Variants in ARFGEF2 observed in about 807,000 individuals in gnomAD.
The protein encoded by ARFGEF2 is ARF guanine nucleotide exchange factor 2, also known as brefeldin A-inhibited guanine nucleotide-exchange protein 2.
Under a neutral mutation model 219.9 loss-of-function variants are expected in ARFGEF2, and 74 were observed. The observed-to-expected ratio is 0.34, with a 90% CI of 0.28 to 0.41. The LOEUF (loss-of-function observed/expected upper bound fraction) is 0.41. ARFGEF2 is among the 10% of genes least tolerant of loss of function. The pLI is 1.00. For missense variants in ARFGEF2, 1,743 were observed against 2,218.3 expected (o/e 0.79, Z 4.30); for synonymous variants, 733 against 799.2 (o/e 0.92, Z 1.40).
Position 48,935,681 on chromosome 20 carries a change from C to T in ARFGEF2, c.122-5518C>T, listed in dbSNP as rs1032280960. On this transcript the variant is annotated intron_variant, in intron 1 of 38. Coordinates refer to ENST00000371917, the MANE Select transcript of ARFGEF2 (RefSeq NM_006420.3). ...CCCAGTAGGGGCGGCCGGGCAGAGG[C>T]GCCCCTCACCTCCTGGACGGGGCGG... Among the ~76,000 whole-genome samples, 5 of 150,894 alleles carry T rather than the reference C, an allele frequency of 3.3e-5. No individual in the cohort carries two copies. In the South Asian group the frequency reaches 8.4e-4, roughly 25 times the overall value.
intron 1 of ARFGEF2, among the ~76,000 whole-genome samples, chr20:48,927,987 T>C (rs2090888728): frequency 6.6e-6 from 1 of 152,138 alleles, no homozygotes; most frequent in Non-Finnish European, 1.5e-5. Context: ...GGCAGAGAGT[T>C]GATTGAGACT....
intron 21 of ARFGEF2, among the ~76,000 whole-genome samples, chr20:48,992,246 C>G (rs2091361453): frequency 6.6e-6 from 1 of 152,142 alleles, no homozygotes; most frequent in African/African-American, 2.4e-5. Flanking sequence ...AAAGGATAGA[C>G]CAAAGCATTA....
intron 37 of ARFGEF2, among the ~76,000 whole-genome samples, chr20:49,030,783 G>T (rs1167049429): frequency 6.6e-6 from 1 of 152,094 alleles, no homozygotes; most frequent in African/African-American, 2.4e-5. Flanking sequence ...TGGATCACAA[G>T]GTCAGGAGTT....
chr20:48,928,578 T>C (rs2090893454), intron 1 of ARFGEF2, among the ~76,000 whole-genome samples: 1 of 148,986 alleles, frequency 6.7e-6, no homozygotes, highest in Non-Finnish European at 1.5e-5. Context: ...CACTGCAAGC[T>C]CTGCCTCCTG....
chr20:48,987,706 A>T (rs138027351), intron 16 of ARFGEF2, among the ~76,000 whole-genome samples: 1 of 152,280 alleles, frequency 6.6e-6, no homozygotes, highest in East Asian at 1.9e-4. Flanking sequence ...GCTTCACCCT[A>T]GTCTTGGCCC....
chr20:48,996,724 C>G (rs1276809478), intron 23 of ARFGEF2, among the ~76,000 whole-genome samples: 1 of 135,954 alleles, frequency 7.4e-6, no homozygotes, highest in Non-Finnish European at 1.5e-5. Context: ...AGCCTAGCAA[C>G]AGAACGAGAC....
intron 13 of ARFGEF2, among the ~76,000 whole-genome samples, chr20:48,975,328 G>T (rs540113940): frequency 6.6e-6 from 1 of 152,266 alleles, no homozygotes; most frequent in South Asian, 2.1e-4. Flanking sequence ...GATTACAGAC[G>T]TGAGCCACTG....
At chr20:48,990,686 A>G (rs2123464301) in intron 20 of ARFGEF2, among the ~76,000 whole-genome samples, 1 of 152,280 alleles carries the variant, frequency 6.6e-6, no homozygotes, top group Middle Eastern at 3.4e-3. Flanking sequence ...TCATTTCCTC[A>G]TTTGTAAACT....
At chr20:49,015,435 A>G (rs988782409) in intron 30 of ARFGEF2, among the ~76,000 whole-genome samples, 8 of 152,200 alleles carry the variant, frequency 5.3e-5, no homozygotes, top group Non-Finnish European at 5.9e-5. Flanking sequence ...TGTTGTTTTA[A>G]TAATGGCTAC....
At chr20:48,980,756 C>T (rs926504166) in intron 14 of ARFGEF2, among the ~76,000 whole-genome samples, 306 of 152,086 alleles carry the variant, frequency 2.0e-3, no homozygotes, top group Non-Finnish European at 3.5e-3. Context: ...TTGTCTCTTT[C>T]GATCTTTGTT....
At chr20:48,980,373 G>A (rs1247751665) in intron 14 of ARFGEF2, among the ~76,000 whole-genome samples, 1 of 152,108 alleles carries the variant, frequency 6.6e-6, no homozygotes, top group East Asian at 1.9e-4. Flanking sequence ...CTGTTCTTTT[G>A]CATTTGCTGA....
intron 5 of ARFGEF2, 21 bp from the exon 6 acceptor site, chr20:48,953,535 C>A (rs758995931): frequency 4.4e-6 from 7 of 1,607,438 alleles, no homozygotes; most frequent in Admixed American, 1.7e-5. Context: ...AATGCTGTAT[C>A]CCCCTTTTGT....
chr20:49,000,643 T>A (rs950806318), intron 25 of ARFGEF2, among the ~76,000 whole-genome samples: 1 of 152,250 alleles, frequency 6.6e-6, no homozygotes, highest in Non-Finnish European at 1.5e-5. Flanking sequence ...CTACTGTACC[T>A]TGTATTCTTG....
chr20:48,922,536 C>G (rs914172859), intron 1 of ARFGEF2, among the ~76,000 whole-genome samples: 16 of 152,238 alleles, frequency 1.1e-4, no homozygotes, highest in African/African-American at 3.6e-4. Context: ...CTGGATCTCC[C>G]AGGCATTGTA....
intron 8 of ARFGEF2, among the ~76,000 whole-genome samples, chr20:48,968,664 C>T (rs2091206341): frequency 6.6e-6 from 1 of 152,160 alleles, no homozygotes; most frequent in East Asian, 1.9e-4. Context: ...TCGCACCTGG[C>T]TTACAATAGT....
chr20:48,940,428 A>G (rs898780923), intron 1 of ARFGEF2, among the ~76,000 whole-genome samples: 9 of 152,176 alleles, frequency 5.9e-5, no homozygotes, highest in South Asian at 2.1e-4. Flanking sequence ...TCATCCCACT[A>G]CTTAGACAAC....
intron 1 of ARFGEF2, among the ~76,000 whole-genome samples, chr20:48,927,199 A>G (rs1186333722): frequency 6.6e-6 from 1 of 152,198 alleles, no homozygotes; most frequent in Non-Finnish European, 1.5e-5. Context: ...GTATATTCCT[A>G]AATCTTAGTT....
intron 1 of ARFGEF2, among the ~76,000 whole-genome samples, chr20:48,937,863 G>C (rs1474605695): frequency 6.6e-6 from 1 of 152,166 alleles, no homozygotes; most frequent in Non-Finnish European, 1.5e-5. Context: ...ACAGACTTTG[G>C]AGATTTCAGA....
Position 49,025,339 on chromosome 20 carries a change from CAT to C in ARFGEF2, c.4784_4785del (p.Ile1595ArgfsTer9). The C allele has an allele frequency of 6.2e-7, 1 of 1,613,148 alleles. No homozygotes were observed. Among genetic ancestry groups the C allele is most frequent in the Non-Finnish European group, 8.5e-7 (1 of 1,179,524 alleles). On this transcript the variant is annotated frameshift_variant, in exon 36 of 39. Transcript: ENST00000371917. LOFTEE classifies it high-confidence loss of function. ...QQDTLDADIH[I>X]ETEDQGMYKY... ...AAGACACGCTGGATGCAGATATCCA[CAT>C]AGAGACGGAGGATCAGGGCATGTAT...
Sources: gnomAD v4.1 joint callset for allele counts (sites outside exome capture counted in the v4.1 genomes callset) on GRCh38, gnomAD v4.1.1 for gene constraint, MANE v1.5 for transcripts, NCBI Gene and HGNC (gene_info 2026-07-23, HGNC 2026-07-21) for gene names.